The following MANSC1 variants were observed in gnomAD, a reference collection of about 807,000 sequenced individuals.
The protein encoded by MANSC1 is MANSC domain-containing protein 1.
A neutral mutation model predicts 14.1 loss-of-function variants in MANSC1; 13 were observed. The observed-to-expected ratio is 0.92, with a 90% CI of 0.60 to 1.46. The LOEUF (loss-of-function observed/expected upper bound fraction) is 1.46. MANSC1 is among the 40% of genes most tolerant of loss of function. The pLI is 0.00. For missense variants in MANSC1, 486 were observed against 511.4 expected, an observed-to-expected ratio of 0.95 and a Z score of 0.48; for synonymous variants, 227 against 200.7, an observed-to-expected ratio of 1.13 and a Z score of -1.11.
At chr12:12,340,729 C>T (rs991438862) in intron 2 of MANSC1, among the ~76,000 whole-genome samples, 2 of 152,124 alleles carry the variant, frequency 1.3e-5, no homozygotes, top group African/African-American at 2.4e-5. Context: ...AGCAAACCCT[C>T]GTTTCTTAGA....
intron 2 of MANSC1, among the ~76,000 whole-genome samples, chr12:12,340,658 G>A (rs1862921702): frequency 1.3e-5 from 2 of 152,106 alleles, no homozygotes; most frequent in Non-Finnish European, 2.9e-5. Context: ...CATTAACTGA[G>A]GTTCCAAGTA....
chr12:12,345,906 G>T (rs187400783), intron 1 of MANSC1, among the ~76,000 whole-genome samples: 4 of 152,312 alleles, frequency 2.6e-5, no homozygotes, highest in African/African-American at 9.6e-5. Context: ...CCTGGTGAAA[G>T]AAATCAAAGA....
chr12:12,342,576 G>GTTT lies in MANSC1; in HGVS notation c.223+513_223+515dup, dbSNP rs869141097. Among the ~76,000 whole-genome samples the GTTT allele has an allele frequency of 1.9e-4, 20 of 103,992 alleles. 1 individual carries two copies. Among genetic ancestry groups the GTTT allele is most frequent in the African/African-American group, 3.6e-4 (10 of 28,024 alleles). The allele number at this position is 103,992 out of a possible 152,430, so 68.2% of individuals were successfully genotyped here. ...AAGCTGTAGTTACCTAGTAGTCAGT[G>GTTT]TTTTTTTGTTTTTTTTTTTTTTTTT... On this transcript the variant is annotated intron_variant, in intron 2 of 3. Transcript: ENST00000535902.
rs58073340 is a variant in MANSC1 at position 12,348,717 on chromosome 12, C to CAAAA, written c.-101+1357_-101+1360dup. 2.1e-3 allele frequency among the ~76,000 whole-genome samples: 285 copies of CAAAA among 135,010 alleles called. 1 individual carries two copies. The highest frequency in any genetic ancestry group is 7.6e-3 in the African/African-American group (269 of 35,254). 88.6% of individuals were successfully genotyped at this position (135,010 alleles called of 152,430 possible). A position where few individuals can be genotyped will look rare whatever the true frequency, so the allele number is the denominator to read the frequency against. ...TTTTAGTTTTAAAAAAAGGTAAAAC[C>CAAAA]AAAAAAAAAAAAAAACCCAGAAACA... On this transcript the variant is annotated intron_variant, in intron 1 of 3. Coordinates refer to ENST00000535902, the MANE Select transcript of MANSC1 (RefSeq NM_018050.4).
At chr12:12,342,584 GTT>G (rs760560592) in intron 2 of MANSC1, among the ~76,000 whole-genome samples, 7 of 41,806 alleles carry the variant, frequency 1.7e-4, no homozygotes, top group Non-Finnish European at 1.3e-4. Flanking sequence ...GTGTTTTTTT[GTT>G]TTTTTTTTTT....
chr12:12,333,929 G>T (rs912322086), intron 3 of MANSC1, among the ~76,000 whole-genome samples: 2 of 152,098 alleles, frequency 1.3e-5, no homozygotes, highest in African/African-American at 4.8e-5. Context: ...TCAAACTCTT[G>T]GTCCGTAAAT....
intron 2 of MANSC1, among the ~76,000 whole-genome samples, chr12:12,342,235 A>T (rs1021924880): frequency 1.4e-4 from 22 of 152,096 alleles, no homozygotes; most frequent in African/African-American, 5.3e-4. Flanking sequence ...GATTCACCAC[A>T]CCCGGCCATT....
chr12:12,343,652 G>C (rs1012172329), intron 1 of MANSC1, among the ~76,000 whole-genome samples: 1 of 152,176 alleles, frequency 6.6e-6, no homozygotes, highest in African/African-American at 2.4e-5. Context: ...AGCTGACAAT[G>C]CTTATGAAGG....
rs1565792756 is a variant in MANSC1 at position 12,330,869 on chromosome 12, G to A, written c.454C>T (p.Pro152Ser). ...LHGQFSQAVT[P>S]LAHHHTDYSK... is the part of the protein sequence containing the mutation. ...TAATCTGTGTGATGATGGGCTAGGGGAGTGACTGCTTGTGAAAATTGGCCA... is the reference window on the plus strand; with the variant it reads ...TAATCTGTGTGATGATGGGCTAGGGAAGTGACTGCTTGTGAAAATTGGCCA... Residue 152 changes from proline (P) to serine (S), a missense_variant, in exon 4 of 4, where the codon CCC (proline) becomes TCC (serine). By Grantham distance (74) the Pro-to-Ser change is moderately conservative. Transcript: ENST00000535902. The A allele has an allele frequency of 6.2e-7, 1 of 1,613,946 alleles. No homozygotes were observed. The highest frequency in any genetic ancestry group is 8.5e-7 in the Non-Finnish European group (1 of 1,179,902).
At position 12,338,918 on chromosome 12, in the gene MANSC1, C is replaced by CACACACACACA. The variant is rs1565800326; in HGVS notation, c.224-359_224-358insTGTGTGTGTGT. ...ACACACACACACACACACACACACACCCCTAAGACCTGCATGTCACTTACC... is the reference window on the plus strand; with the variant it reads ...ACACACACACACACACACACACACACACACACACACACCCTAAGACCTGCATGTCACTTACC... On this transcript the variant is annotated intron_variant, in intron 2 of 3. Transcript: ENST00000535902. 161 of 249,724 alleles carry CACACACACACA rather than the reference C, an allele frequency of 6.4e-4. 1 individual carries two copies. Among genetic ancestry groups the CACACACACACA allele is most frequent in the Non-Finnish European group, 8.9e-4 (116 of 130,200 alleles). 15.5% of individuals were successfully genotyped at this position (249,724 alleles called of 1,614,324 possible).
Position 12,350,239 on chromosome 12 carries a change from A to C in MANSC1, c.-262T>G, listed in dbSNP as rs1863061508. Reference sequence around the variant, plus strand: ...CGGCCTGGCGGGTTTTGTGGTTAGCAAGTTCCTGCTTCCGTCGCAGCGACG... The same window carrying C: ...CGGCCTGGCGGGTTTTGTGGTTAGCCAGTTCCTGCTTCCGTCGCAGCGACG... On this transcript the variant is annotated 5_prime_UTR_variant, in exon 1 of 4. Transcript: ENST00000535902. 1 of 152,090 alleles carries C rather than the reference A, an allele frequency of 6.6e-6. No homozygotes were observed. The highest frequency in any genetic ancestry group is 2.4e-5 in the African/African-American group (1 of 41,420). 9.4% of individuals were successfully genotyped at this position (152,090 alleles called of 1,614,324 possible).
intron 3 of MANSC1, among the ~76,000 whole-genome samples, chr12:12,336,969 T>A (rs952846568): frequency 6.6e-6 from 1 of 152,156 alleles, no homozygotes; most frequent in Non-Finnish European, 1.5e-5. Flanking sequence ...TTTCTAAAAC[T>A]TAAATAAAAG....
intron 3 of MANSC1, among the ~76,000 whole-genome samples, chr12:12,335,881 C>CCA (rs776730277): frequency 1.2e-4 from 18 of 151,776 alleles, no homozygotes; most frequent in Non-Finnish European, 2.4e-4. Context: ...CAGCTTCCCA[C>CCA]CACACACCTA....
At chr12:12,334,307 A>G (rs899355447) in intron 3 of MANSC1, among the ~76,000 whole-genome samples, 1 of 151,946 alleles carries the variant, frequency 6.6e-6, no homozygotes, top group Non-Finnish European at 1.5e-5. Flanking sequence ...AAAGAGAGAG[A>G]GAGACAGAAA....
rs3741797 is a variant in MANSC1, at chr12:12,343,219, C to T, written c.96G>A (p.Lys32=). The T allele has an allele frequency of 8.0e-4, 1,284 of 1,614,068 alleles. 51 individuals are homozygous for T. The East Asian group carries it at 0.028, about 35-fold the overall frequency. The change falls in exon 2 of 4, where the codon AAG becomes AAA. Residue 32 remains lysine (K), a synonymous_variant. Coordinates refer to ENST00000535902, the MANE Select transcript of MANSC1 (RefSeq NM_018050.4). The part of the protein sequence containing the change: ...RLSASQNCLK[K]SLEDVVIDIQ... ...TGTCAATGACAACATCTTCTAGACTCTTTTTGAGGCAATTCTGACTAGCAG... is the reference window on the plus strand; with the variant it reads ...TGTCAATGACAACATCTTCTAGACTTTTTTTGAGGCAATTCTGACTAGCAG...
At chr12:12,331,232 A>G (rs1403332157) in intron 3 of MANSC1, among the ~76,000 whole-genome samples, 2 of 152,210 alleles carry the variant, frequency 1.3e-5, no homozygotes, top group Non-Finnish European at 1.5e-5. Context: ...AATGTGTGCA[A>G]AATGGAAAAA....
chr12:12,330,369 T>G lies in MANSC1; in HGVS notation c.954A>C (p.Glu318Asp). 1.2e-6 allele frequency: 2 copies of G among 1,614,238 alleles called. No homozygotes were observed. The highest frequency in any genetic ancestry group is 1.7e-6 in the Non-Finnish European group (2 of 1,180,042). ...TGGAGATTTCTGTAAACGGTATGGT[T>G]TCTAAGCTGCCTTTCGAGTCCGTAG... is the stretch of plus-strand genomic sequence containing the variant. ...QAPTDSKGSL[E>D]TIPFTEISNL... The change falls in exon 4 of 4, where the codon GAA becomes GAC. Residue 318 changes from glutamate (E) to aspartate (D), a missense_variant. Coordinates refer to ENST00000535902, the MANE Select transcript of MANSC1 (RefSeq NM_018050.4).
chr12:12,343,415 C>G lies in MANSC1; in HGVS notation c.-100-1G>C. The stretch of plus-strand genomic sequence containing the variant: ...GCTGCACAGATGATGAGATTTCTCT[C>G]TAGAACAAAAATGGAAAATCATCAA... On this transcript the variant is annotated splice_acceptor_variant, in intron 1 of 3. Coordinates refer to ENST00000535902, the MANE Select transcript of MANSC1 (RefSeq NM_018050.4). LOFTEE classifies it low-confidence loss of function (5UTR_SPLICE). 1 of 723,308 alleles carries G rather than the reference C, an allele frequency of 1.4e-6. No individual in the cohort carries two copies. Among genetic ancestry groups the G allele is most frequent in the South Asian group, 1.8e-5 (1 of 54,112 alleles). 44.8% of individuals were successfully genotyped at this position (723,308 alleles called of 1,614,324 possible).
In MANSC1 at chr12:12,329,975, T is replaced by C. The variant is rs2135986673; in HGVS notation, c.*52A>G. The C allele has an allele frequency of 6.8e-7, 1 of 1,470,140 alleles. No homozygotes were observed. Among genetic ancestry groups the C allele is most frequent in the Non-Finnish European group, 9.3e-7 (1 of 1,072,530 alleles). The allele number at this position is 1,470,140 out of a possible 1,614,324, so 91.1% of individuals were successfully genotyped here. On this transcript the variant is annotated 3_prime_UTR_variant, in exon 4 of 4. Transcript: ENST00000535902. ...GACTAGCAAGTCAGCAGAAACTCAT[T>C]GCATTTGGGCTTCTGGTTACTAAAT... is the stretch of plus-strand genomic sequence containing the variant.
Sources: gnomAD v4.1 joint callset for allele counts (sites outside exome capture counted in the v4.1 genomes callset) on GRCh38, gnomAD v4.1.1 for gene constraint, MANE v1.5 for transcripts, NCBI Gene and HGNC (gene_info 2026-07-23, HGNC 2026-07-21) for gene names.